The following CCDC92 variants were observed in gnomAD, a reference collection of about 807,000 sequenced individuals.
CCDC92 encodes the protein coiled-coil domain containing 92, also known as coiled-coil domain-containing protein 92.
Under a neutral mutation model 24.9 loss-of-function variants are expected in CCDC92, and 12 were observed. The observed-to-expected ratio is 0.48, with a 90% CI of 0.31 to 0.78. CCDC92 has a LOEUF of 0.78. Ranked by LOEUF, CCDC92 falls within the 30% of genes least tolerant of loss-of-function variation. The probability of loss-of-function intolerance (pLI) is 0.05; values close to 1 mark genes in which losing one functional copy is unlikely to be tolerated. For missense variants in CCDC92, 399 were observed against 439.4 expected, an observed-to-expected ratio of 0.91 and a Z score of 0.82; for synonymous variants, 193 against 196.3, an observed-to-expected ratio of 0.98 and a Z score of 0.14.
intron 1 of CCDC92, among the ~76,000 whole-genome samples, chr12:123,965,549 T>C (rs1956373139): frequency 6.6e-6 from 1 of 152,208 alleles, no homozygotes; most frequent in African/African-American, 2.4e-5. Context: ...TTGGGCTGTT[T>C]TGGAAATATA....
chr12:123,963,742 C>G (rs1242636883), intron 1 of CCDC92, among the ~76,000 whole-genome samples: 1 of 152,168 alleles, frequency 6.6e-6, no homozygotes, highest in Non-Finnish European at 1.5e-5. Context: ...CGTATTTCCA[C>G]AGAAATTAAG....
At chr12:123,964,002 C>T (rs1025639541) in intron 1 of CCDC92, among the ~76,000 whole-genome samples, 6 of 152,168 alleles carry the variant, frequency 3.9e-5, no homozygotes, top group Middle Eastern at 3.4e-3. Flanking sequence ...GCTTTCCAGG[C>T]GGGAGAAATG....
Position 123,937,494 on chromosome 12 carries a change from G to A in CCDC92, c.560C>T (p.Ala187Val). 6.2e-7 allele frequency: 1 copy of A among 1,612,662 alleles called. No homozygotes were observed. The highest frequency in any genetic ancestry group is 8.5e-7 in the Non-Finnish European group (1 of 1,179,982). ...TTTGGGGGGCGCTGGCTTGTAGCTG[G>A]CCAGCACGGGGCTCCCTGACGGGCT... ...DASPSGSPVLASYKPAPPKDK... is the reference protein window; with the variant it reads ...DASPSGSPVLVSYKPAPPKDK... Residue 187 changes from alanine to valine, a missense_variant, in exon 5 of 5, where the codon GCC becomes GTC. Physicochemically the swap from Ala to Val is moderately conservative, Grantham distance 64. Coordinates refer to ENST00000238156, the MANE Select transcript of CCDC92 (RefSeq NM_025140.3). The surrounding 1 kb of genome is among the most constrained non-coding windows in gnomAD (Gnocchi z 8.4).
chr12:123,947,079 G>A (rs535470510), intron 1 of CCDC92, among the ~76,000 whole-genome samples: 52 of 152,278 alleles, frequency 3.4e-4, no homozygotes, highest in Admixed American at 2.3e-3. Context: ...TGCCGGCCCC[G>A]GGCAATGAGG....
At position 123,944,288 on chromosome 12, in the gene CCDC92, G is replaced by A; in HGVS notation, c.18C>T (p.Phe6=). 1 of 1,594,888 alleles carries A rather than the reference G, an allele frequency of 6.3e-7. No individual in the cohort carries two copies. Among genetic ancestry groups the A allele is most frequent in the Non-Finnish European group, 8.5e-7 (1 of 1,171,300 alleles). The change falls in exon 2 of 5, where the codon TTC becomes TTT. Residue 6 remains phenylalanine (F), a synonymous_variant. Transcript: ENST00000238156. Reference sequence around the variant, plus strand: ...AGACTCTACCTTCATCGTAACTCGAGAAATGTGGTGAAGTCATGGGTCTTT... The same window carrying A: ...AGACTCTACCTTCATCGTAACTCGAAAAATGTGGTGAAGTCATGGGTCTTT... The part of the protein sequence containing the change: MTSPH[F]SSYDEGPLDV...
rs1289214394 is a variant in CCDC92, at chr12:123,936,318, C to G, written c.*740G>C. On this transcript the variant is annotated 3_prime_UTR_variant, in exon 5 of 5. Coordinates refer to ENST00000238156, the MANE Select transcript of CCDC92 (RefSeq NM_025140.3). ...CTCTGGGCCGGGAGGAGGCCGGAGT[C>G]GCTTCTGGGACCTGTGATTGCTCTC... 1 of 152,472 alleles carries G rather than the reference C, an allele frequency of 6.6e-6. No homozygotes were observed. The highest frequency in any genetic ancestry group is 1.5e-5 in the Non-Finnish European group (1 of 68,114). The allele number at this position is 152,472 out of a possible 1,614,324, so 9.4% of individuals were successfully genotyped here.
At chr12:123,938,266 T>C in intron 4 of CCDC92, among the ~76,000 whole-genome samples, 1 of 152,320 alleles carries the variant, frequency 6.6e-6, no homozygotes, top group South Asian at 2.1e-4. Context: ...AAAATTCTGA[T>C]GTTTAGAGGA....
Position 123,937,543 on chromosome 12 carries a change from T to C in CCDC92, c.511A>G (p.Ser171Gly). The C allele has an allele frequency of 6.2e-7, 1 of 1,612,512 alleles. No individual in the cohort carries two copies. The highest frequency in any genetic ancestry group is 8.5e-7 in the Non-Finnish European group (1 of 1,179,994). The change falls in exon 5 of 5, where the codon AGC (serine) becomes GGC (glycine). Residue 171 changes from serine to glycine, a missense_variant. Coordinates refer to ENST00000238156, the MANE Select transcript of CCDC92 (RefSeq NM_025140.3). This position sits in a 1 kb window ranked among gnomAD's most constrained non-coding sequence, Gnocchi z 8.4. ...CTGGCATCTGAGGTCCCGCTGGAGC[T>C]CATGAGCTTCTTCTTGGCGGCGTGC... ...QLHAAKKKLMSSSGTSDASPS... is the reference protein window; with the variant it reads ...QLHAAKKKLMGSSGTSDASPS...
chr12:123,943,929 C>G (rs907171783), intron 2 of CCDC92: 1 of 464,682 alleles, frequency 2.2e-6, no homozygotes, highest in African/African-American at 2.0e-5. Context: ...CTCACCCCAA[C>G]AGACTGTGAC....
intron 1 of CCDC92, among the ~76,000 whole-genome samples, chr12:123,959,719 G>C (rs986673531): frequency 6.6e-6 from 1 of 152,218 alleles, no homozygotes; most frequent in Non-Finnish European, 1.5e-5. Flanking sequence ...CTCTTCTGTA[G>C]CTGTTGCGGC....
At position 123,951,020 on chromosome 12, in the gene CCDC92, A is replaced by G. The variant is rs1324287830; in HGVS notation, c.-59-6656T>C. 2.0e-5 allele frequency among the ~76,000 whole-genome samples: 3 copies of G among 152,270 alleles called. No homozygotes were observed. In the South Asian group the frequency reaches 6.2e-4, roughly 32 times the overall value. On this transcript the variant is annotated intron_variant, in intron 1 of 4. Coordinates refer to ENST00000238156, the MANE Select transcript of CCDC92 (RefSeq NM_025140.3). ...ACACTCGGGTCCTCTAGCCCCTGGCATGGCCCAGACCCCTCCAACACGGGG... is the reference window on the plus strand; with the variant it reads ...ACACTCGGGTCCTCTAGCCCCTGGCGTGGCCCAGACCCCTCCAACACGGGG...
rs775416812 is a variant in CCDC92 at position 123,937,456 on chromosome 12, C to T, written c.598G>A (p.Glu200Lys). Residue 200 changes from glutamate (E) to lysine (K), a missense_variant, in exon 5 of 5, where the codon GAA (glutamate) becomes AAA (lysine). Glu to Lys is a moderately conservative substitution (Grantham distance 56). Coordinates refer to ENST00000238156, the MANE Select transcript of CCDC92 (RefSeq NM_025140.3). This position sits in a 1 kb window ranked among gnomAD's most constrained non-coding sequence, Gnocchi z 8.4. ...TTTTTCATGCGGCGGCGAGGCGTTT[C>T]GGGTAGCTTGTCTTTGGGGGGCGCT... is the stretch of plus-strand genomic sequence containing the variant. Reference protein sequence around the residue: ...KPAPPKDKLPETPRRRMKKSL... With the variant: ...KPAPPKDKLPKTPRRRMKKSL... The T allele has an allele frequency of 3.1e-6, 5 of 1,613,406 alleles. No individual in the cohort carries two copies. Among genetic ancestry groups the T allele is most frequent in the Middle Eastern group, 1.6e-4 (1 of 6,062 alleles).
At position 123,967,286 on chromosome 12, in the gene CCDC92, G is replaced by C. The variant is rs567647790; in HGVS notation, c.-60+5243C>G. Among the ~76,000 whole-genome samples the C allele has an allele frequency of 2.6e-5, 4 of 152,254 alleles. No individual in the cohort carries two copies. The South Asian group carries it at 8.3e-4, about 32-fold the overall frequency. ...TCAACCAGAAGATAAAGATGACTCA[G>C]TATCAGATACTGACCTTCCTTGAAA... is the stretch of plus-strand genomic sequence containing the variant. On this transcript the variant is annotated intron_variant, in intron 1 of 4. Transcript: ENST00000238156.
At chr12:123,958,685 G>A (rs1956206087) in intron 1 of CCDC92, among the ~76,000 whole-genome samples, 2 of 152,204 alleles carry the variant, frequency 1.3e-5, no homozygotes, top group South Asian at 4.1e-4. Context: ...CACTGACTGT[G>A]GCAGGTCCCG....
intron 1 of CCDC92, among the ~76,000 whole-genome samples, chr12:123,957,104 G>C (rs1217141123): frequency 6.6e-6 from 1 of 152,176 alleles, no homozygotes; most frequent in Non-Finnish European, 1.5e-5. Context: ...CTTGGTTCAT[G>C]ACACACTCTT....
At chr12:123,948,395 T>C (rs774569342) in intron 1 of CCDC92, among the ~76,000 whole-genome samples, 2 of 152,270 alleles carry the variant, frequency 1.3e-5, no homozygotes, top group Non-Finnish European at 2.9e-5. Flanking sequence ...CTTTGAATTA[T>C]AACAACGCTG....
chr12:123,937,543 T>G lies in CCDC92; in HGVS notation c.511A>C (p.Ser171Arg), dbSNP rs770592291. 6.2e-7 allele frequency: 1 copy of G among 1,612,512 alleles called. No homozygotes were observed. The highest frequency in any genetic ancestry group is 8.5e-7 in the Non-Finnish European group (1 of 1,179,994). Reference sequence around the variant, plus strand: ...CTGGCATCTGAGGTCCCGCTGGAGCTCATGAGCTTCTTCTTGGCGGCGTGC... The same window carrying G: ...CTGGCATCTGAGGTCCCGCTGGAGCGCATGAGCTTCTTCTTGGCGGCGTGC... ...QLHAAKKKLM[S>R]SSGTSDASPS... is the part of the protein sequence containing the mutation. The change falls in exon 5 of 5, where the codon AGC (serine) becomes CGC (arginine). Residue 171 changes from serine (S) to arginine (R), a missense_variant. Coordinates refer to ENST00000238156, the MANE Select transcript of CCDC92 (RefSeq NM_025140.3). This position sits in a 1 kb window ranked among gnomAD's most constrained non-coding sequence, Gnocchi z 8.4.
At position 123,937,770 on chromosome 12, in the gene CCDC92, A is replaced by C; in HGVS notation, c.284T>G (p.Leu95Arg). The part of the protein sequence containing the change: ...KKRCEELEAQ[L>R]KVKENENAEL... ...AGCATTTTCGTTCTCTTTCACTTTCAGTTGGGCTTCCAGCTCTTCACATCT... is the reference window on the plus strand; with the variant it reads ...AGCATTTTCGTTCTCTTTCACTTTCCGTTGGGCTTCCAGCTCTTCACATCT... Residue 95 changes from leucine (L) to arginine (R), a missense_variant, in exon 5 of 5, where the codon CTG becomes CGG. Leu to Arg is a moderately radical substitution (Grantham distance 102). Coordinates refer to ENST00000238156, the MANE Select transcript of CCDC92 (RefSeq NM_025140.3). The surrounding 1 kb of genome is among the most constrained non-coding windows in gnomAD (Gnocchi z 8.4). The C allele has an allele frequency of 1.2e-6, 2 of 1,613,778 alleles. No homozygotes were observed. Among genetic ancestry groups the C allele is most frequent in the South Asian group, 2.2e-5 (2 of 91,082 alleles).
chr12:123,954,566 G>A (rs771567032), intron 1 of CCDC92, among the ~76,000 whole-genome samples: 1 of 152,168 alleles, frequency 6.6e-6, no homozygotes, highest in South Asian at 2.1e-4. Flanking sequence ...TCTGCACTCC[G>A]ATTATCTCAT....
Sources: allele counts gnomAD v4.1 joint callset (sites outside exome capture counted in the v4.1 genomes callset), GRCh38; gene constraint gnomAD v4.1.1; non-coding constraint Gnocchi (gnomAD v3.1); transcripts MANE v1.5; gene names NCBI Gene and HGNC (gene_info 2026-07-23, HGNC 2026-07-21).